The following DMTF1 variants were observed in gnomAD, a reference collection of about 807,000 sequenced individuals.
DMTF1 encodes the protein cyclin D binding myb like transcription factor 1, also known as cyclin-D-binding Myb-like transcription factor 1.
DMTF1 carries 39 observed loss-of-function variants against 91.1 expected under a neutral mutation model. The observed-to-expected ratio is 0.43, with a 90% CI of 0.33 to 0.56. DMTF1 has a LOEUF of 0.56. DMTF1 is among the 20% of genes least tolerant of loss of function. The pLI, the probability that DMTF1 is intolerant of heterozygous loss-of-function variation, is 0.05. For synonymous variants in DMTF1, 338 were observed against 309.5 expected, an observed-to-expected ratio of 1.09 and a Z score of -0.97; for missense variants, 750 against 914.5, an observed-to-expected ratio of 0.82 and a Z score of 2.32.
At chr7:87,181,274 T>G (rs746139049) in intron 8 of DMTF1, 35 bp from the exon 9 acceptor site, 1 of 1,014,086 alleles carries the variant, frequency 9.9e-7, no homozygotes, top group South Asian at 1.4e-5. Flanking sequence ...TTCATTGTTT[T>G]AATTGATTTT....
intron 8 of DMTF1, 29 bp from the exon 9 acceptor site, chr7:87,181,280 A>AT (rs1797321321): frequency 2.7e-6 from 3 of 1,098,864 alleles, no homozygotes; most frequent in African/African-American, 1.6e-5. Context: ...GTTTTAATTG[A>AT]TTTTTTAAAA....
Position 87,188,541 on chromosome 7 carries a change from A to C in DMTF1, c.1411+240A>C, listed in dbSNP as rs150621950. 3.3e-3 allele frequency among the ~76,000 whole-genome samples: 503 copies of C among 152,344 alleles called. 2 individuals carry two copies. The highest frequency in any genetic ancestry group is 0.012 in the African/African-American group (480 of 41,588). ...ACCATTTGAAACCATCTTAATTTCTAGATTTTGTAATTAATGACTTAATAG... is the reference window on the plus strand; with the variant it reads ...ACCATTTGAAACCATCTTAATTTCTCGATTTTGTAATTAATGACTTAATAG... On this transcript the variant is annotated intron_variant, in intron 13 of 17. Transcript: ENST00000331242.
intron 1 of DMTF1, among the ~76,000 whole-genome samples, chr7:87,157,241 T>C (rs552601010): frequency 6.3e-4 from 96 of 152,278 alleles, no homozygotes; most frequent in Non-Finnish European, 8.4e-4. Flanking sequence ...CTATATGTTC[T>C]GTAGCTTGCA....
intron 1 of DMTF1, among the ~76,000 whole-genome samples, chr7:87,158,957 T>G (rs766479541): frequency 5.9e-5 from 9 of 152,072 alleles, no homozygotes; most frequent in Admixed American, 2.0e-4. Context: ...CTGCCTAACT[T>G]TAAAAAACTA....
chr7:87,170,701 C>A (rs1794870084), intron 4 of DMTF1, among the ~76,000 whole-genome samples: 1 of 152,174 alleles, frequency 6.6e-6, no homozygotes. Context: ...TAATCACCAT[C>A]CAACGTAGTA....
chr7:87,173,180 A>G (rs902319511), intron 5 of DMTF1, among the ~76,000 whole-genome samples: 2 of 152,160 alleles, frequency 1.3e-5, no homozygotes, highest in African/African-American at 4.8e-5. Flanking sequence ...GCTCATTTAC[A>G]TGTGTAAATA....
At chr7:87,162,563 CCTT>C (rs1378671378) in intron 1 of DMTF1, among the ~76,000 whole-genome samples, 6 of 152,094 alleles carry the variant, frequency 3.9e-5, no homozygotes, top group East Asian at 1.9e-4. Context: ...ATGATTTTAA[CCTT>C]CTTTTTTTTA....
intron 7 of DMTF1, among the ~76,000 whole-genome samples, chr7:87,176,335 A>C (rs892502610): frequency 1.3e-5 from 2 of 152,230 alleles, no homozygotes; most frequent in Non-Finnish European, 2.9e-5. Context: ...TCCTCTAGTC[A>C]CATATGCTTT....
chr7:87,194,264 G>T (rs1271142145), intron 16 of DMTF1, 162 bp downstream of exon 16: 3 of 717,262 alleles, frequency 4.2e-6, no homozygotes, highest in Non-Finnish European at 6.6e-6. Flanking sequence ...CAGTGATCCT[G>T]TGGCAGTCAG....
intron 1 of DMTF1, among the ~76,000 whole-genome samples, chr7:87,161,948 TTTAACAA>T (rs1792542499): frequency 6.6e-6 from 1 of 152,238 alleles, no homozygotes; most frequent in Non-Finnish European, 1.5e-5. Context: ...TATCCTTTGA[TTTAACAA>T]TTTTTATTTA....
chr7:87,193,909 T>G lies in DMTF1; in HGVS notation c.1835T>G (p.Phe612Cys), dbSNP rs1376681079. 5 of 1,613,288 alleles carry G rather than the reference T, an allele frequency of 3.1e-6. No homozygotes were observed. In the Admixed American group the frequency reaches 6.7e-5, roughly 22 times the overall value. ...CCAGACGCCCTAGAAGCAGACACTT[T>G]CCCAGATGAAATTCATCACCCTAAG... ...EPPDALEADT[F>C]PDEIHHPKMT... Residue 612 changes from phenylalanine (F) to cysteine (C), a missense_variant, in exon 16 of 18, where the codon TTC becomes TGC. This residue lies in a region of DMTF1 where 410 missense variants were observed against 420.2 expected (regional missense o/e 0.98). Transcript: ENST00000331242.
chr7:87,180,071 G>C (rs1219082374), intron 8 of DMTF1, among the ~76,000 whole-genome samples: 1 of 152,044 alleles, frequency 6.6e-6, no homozygotes, highest in Non-Finnish European at 1.5e-5. Context: ...CTAGGTCAGT[G>C]GCCTTTTTTT....
At chr7:87,166,398 G>A (rs375194521) in intron 3 of DMTF1, 85 bp from the exon 4 acceptor site, 2 of 1,399,538 alleles carry the variant, frequency 1.4e-6, no homozygotes. Context: ...TTTTTTAATA[G>A]ATAAGAAAAT....
At chr7:87,158,546 T>C (rs936041660) in intron 1 of DMTF1, among the ~76,000 whole-genome samples, 12 of 152,090 alleles carry the variant, frequency 7.9e-5, no homozygotes, top group African/African-American at 1.9e-4. Context: ...TTAAGAGTTA[T>C]AATAATTTTA....
rs113301373 is a variant in DMTF1, at chr7:87,153,170, G to T, written c.-132+615G>T. Among the ~76,000 whole-genome samples, 3 of 151,980 alleles carry T rather than the reference G, an allele frequency of 2.0e-5. 1 individual carries two copies. The highest frequency in any genetic ancestry group is 7.2e-5 in the African/African-American group (3 of 41,422). On this transcript the variant is annotated intron_variant, in intron 1 of 17. Transcript: ENST00000331242. Reference sequence around the variant, plus strand: ...TTTTGCGGGGGTTCAGCCTTGCTCGGCGATTCACGGCCCAGACATAGAGAA... The same window carrying T: ...TTTTGCGGGGGTTCAGCCTTGCTCGTCGATTCACGGCCCAGACATAGAGAA...
At chr7:87,183,553 C>T (rs1051713862) in intron 10 of DMTF1, among the ~76,000 whole-genome samples, 2 of 152,190 alleles carry the variant, frequency 1.3e-5, no homozygotes, top group African/African-American at 4.8e-5. Context: ...TGAATCCATC[C>T]ACAGTATTCA....
chr7:87,161,511 A>G (rs969512834), intron 1 of DMTF1, among the ~76,000 whole-genome samples: 3 of 141,278 alleles, frequency 2.1e-5, no homozygotes, highest in Admixed American at 2.0e-4. Context: ...CAAAAACCAC[A>G]AAAGATGACA....
chr7:87,162,726 CAA>C (rs775464208), intron 1 of DMTF1: 2 of 151,826 alleles, frequency 1.3e-5, no homozygotes. Flanking sequence ...ACTGAAAATG[CAA>C]AGAGGATCTA....
chr7:87,166,597 C>A lies in DMTF1; in HGVS notation c.224C>A (p.Ala75Glu), dbSNP rs1386866882. The A allele has an allele frequency of 6.2e-7, 1 of 1,610,324 alleles. No homozygotes were observed. Among genetic ancestry groups the A allele is most frequent in the Non-Finnish European group, 8.5e-7 (1 of 1,178,568 alleles). Residue 75 changes from alanine (A) to glutamate (E), a missense_variant, in exon 4 of 18, where the codon GCA (alanine) becomes GAA (glutamate). Transcript: ENST00000331242. ...TCTACTCCTTGCATATCAGTTGTTG[C>A]ACTTCCACGTAAGTCACTACGTATT... ...DDSTPCISVV[A>E]LPLSENDQSF...
Sources: allele counts gnomAD v4.1 joint callset (sites outside exome capture counted in the v4.1 genomes callset), GRCh38; gene constraint gnomAD v4.1.1; regional missense constraint gnomAD v4.1.1; transcripts MANE v1.5; gene names NCBI Gene and HGNC (gene_info 2026-07-23, HGNC 2026-07-21).